SAXO4: variants seen among roughly 807,000 people sequenced by gnomAD.
SAXO4 encodes protein phosphatase 1 regulatory subunit 32.
the SAXO4 span, chr11:61,487,212 C>T: frequency 6.2e-7 from 1 of 1,614,054 alleles, no homozygotes; most frequent in Non-Finnish European, 8.5e-7. Flanking sequence ...TGACAGGGAT[C>T]AGCGATACCT....
At chr11:61,489,818 A>G in the SAXO4 span, 1 of 1,613,876 alleles carries the variant, frequency 6.2e-7, no homozygotes, top group East Asian at 2.2e-5. Context: ...TAGACCAGGA[A>G]GGCTGGACTC....
chr11:61,481,783 C>T, the SAXO4 span: 1 of 1,353,648 alleles, frequency 7.4e-7, no homozygotes. Context: ...CCTTTCTAGG[C>T]CCCCTGGGGC....
At chr11:61,487,013 G>T in the SAXO4 span, 7 of 1,614,026 alleles carry the variant, frequency 4.3e-6, no homozygotes, top group African/African-American at 9.3e-5. Flanking sequence ...TTCATCGGAT[G>T]CAACAGACAA....
the SAXO4 span, chr11:61,481,898 C>T: frequency 1.3e-6 from 2 of 1,579,386 alleles, no homozygotes; most frequent in Non-Finnish European, 1.7e-6. Flanking sequence ...TTCTACGCCA[C>T]CAGCTACTGC....
At chr11:61,481,782 G>T in the SAXO4 span, 8 of 1,351,176 alleles carry the variant, frequency 5.9e-6, no homozygotes, top group Middle Eastern at 1.9e-4. Context: ...TCCTTTCTAG[G>T]CCCCCTGGGG....
chr11:61,487,904 AGCCATGG>A, the SAXO4 span, among the ~76,000 whole-genome samples: 1 of 151,834 alleles, frequency 6.6e-6, no homozygotes. Context: ...GTGGCCCCAG[AGCCATGG>A]GGAAGCCTCC....
the SAXO4 span, among the ~76,000 whole-genome samples, chr11:61,490,223 G>A: frequency 0.025 from 3,803 of 152,276 alleles, 172 homozygotes; most frequent in African/African-American, 0.088. Flanking sequence ...AGGGGCTCTG[G>A]GGTGGTTCAG....
At chr11:61,490,544 A>T in the SAXO4 span, 5 of 1,614,114 alleles carry the variant, frequency 3.1e-6, no homozygotes, top group Non-Finnish European at 4.2e-6. Flanking sequence ...CACACCTCAC[A>T]GCAGCCGCTG....
At chr11:61,488,388 C>T in the SAXO4 span, among the ~76,000 whole-genome samples, 3 of 150,880 alleles carry the variant, frequency 2.0e-5, no homozygotes, top group Non-Finnish European at 1.5e-5. Flanking sequence ...CACTGCAAAC[C>T]CCGCCTCCCG....
At chr11:61,482,705 C>A in the SAXO4 span, 4 of 1,613,944 alleles carry the variant, frequency 2.5e-6, no homozygotes, top group Non-Finnish European at 3.4e-6. Context: ...AGCTACCGCC[C>A]CCTGGAGGTG....
the SAXO4 span, chr11:61,485,227 C>T: frequency 1.1e-6 from 1 of 929,178 alleles, no homozygotes; most frequent in Non-Finnish European, 1.7e-6. Context: ...TGTACTGGCC[C>T]ACACAGGCTT....
chr11:61,481,971 G>A, the SAXO4 span: 3 of 1,266,398 alleles, frequency 2.4e-6, no homozygotes, highest in African/African-American at 4.5e-5. Flanking sequence ...AGGAAGGGAG[G>A]GGCTCTCTCT....
the SAXO4 span, chr11:61,484,795 G>T: frequency 6.2e-7 from 1 of 1,603,098 alleles, no homozygotes. Context: ...AGGACCCGCT[G>T]GAGCGGGAGA....
chr11:61,486,278 G>A, the SAXO4 span: 3 of 1,558,100 alleles, frequency 1.9e-6, no homozygotes, highest in Non-Finnish European at 1.8e-6. Flanking sequence ...AGGCAGAGTG[G>A]GTGGGAGCCA....
chr11:61,488,561 A>G, the SAXO4 span, among the ~76,000 whole-genome samples: 1 of 152,086 alleles, frequency 6.6e-6, no homozygotes, highest in South Asian at 2.1e-4. Context: ...GCCTCCAGGA[A>G]GTATAATTCT....
the SAXO4 span, chr11:61,485,998 T>A: frequency 1.1e-6 from 1 of 919,036 alleles, no homozygotes; most frequent in South Asian, 1.6e-5. Context: ...GAATGTGAGC[T>A]GCAGAGCCCT....
the SAXO4 span, chr11:61,486,935 C>T: frequency 1.2e-6 from 2 of 1,611,768 alleles, no homozygotes; most frequent in South Asian, 1.1e-5. Flanking sequence ...TCTGGTGGTT[C>T]TGTGCCCTGC....
chr11:61,485,671 G>A, the SAXO4 span: 107 of 746,296 alleles, frequency 1.4e-4, no homozygotes, highest in Admixed American at 1.5e-4. Context: ...TGCCACCCAC[G>A]ATCCTCATGG....
the SAXO4 span, chr11:61,490,656 C>T: frequency 1.4e-6 from 2 of 1,385,112 alleles, no homozygotes; most frequent in Non-Finnish European, 2.0e-6. Flanking sequence ...AGCCCTGCCT[C>T]TCAAGCCCTG....
Sources: gnomAD v4.1 joint callset for allele counts (sites outside exome capture counted in the v4.1 genomes callset) on GRCh38, gnomAD v4.1.1 for gene constraint, MANE v1.5 for transcripts, NCBI Gene and HGNC (gene_info 2026-07-23, HGNC 2026-07-21) for gene names.